Variants in ARHGAP8 observed in about 807,000 individuals in gnomAD.
ARHGAP8 encodes the protein rho GTPase-activating protein 8.
In ARHGAP8, 62 loss-of-function variants were observed where a neutral mutation model predicts 46.1. The ratio of observed to expected loss-of-function variants is 1.34; its 90% CI spans 1.10 to 1.66. The LOEUF (loss-of-function observed/expected upper bound fraction) is 1.66. Ranked by LOEUF, ARHGAP8 falls within the 40% of genes most tolerant of loss-of-function variation. The pLI is 0.00. For synonymous variants in ARHGAP8, 375 were observed against 243.1 expected (o/e 1.54, Z -5.05); for missense variants, 923 against 568.4 (o/e 1.62, Z -6.34).
At chr22:44,807,196 C>G (rs958705830) in intron 3 of ARHGAP8, among the ~76,000 whole-genome samples, 6 of 152,170 alleles carry the variant, frequency 3.9e-5, no homozygotes, top group Non-Finnish European at 5.9e-5. Context: ...CCTGGACAAC[C>G]TGAGCTGAGG....
At chr22:44,788,504 A>C (rs988078955) in intron 2 of ARHGAP8, among the ~76,000 whole-genome samples, 4 of 151,872 alleles carry the variant, frequency 2.6e-5, no homozygotes, top group African/African-American at 9.7e-5. Context: ...CACCCTCCCA[A>C]GTGCAAGTCC....
chr22:44,817,661 G>C (rs867150259), intron 5 of ARHGAP8, among the ~76,000 whole-genome samples: 2 of 151,946 alleles, frequency 1.3e-5, no homozygotes, highest in Non-Finnish European at 2.9e-5. Flanking sequence ...AAAAATTAGC[G>C]GGTGTGGTGG....
chr22:44,852,783 A>AT (rs1043307815), intron 10 of ARHGAP8, among the ~76,000 whole-genome samples: 3 of 151,632 alleles, frequency 2.0e-5, no homozygotes, highest in East Asian at 1.9e-4. Context: ...AGTTCCGGGG[A>AT]TTTTTTTTAT....
At chr22:44,807,693 G>T (rs527455400) in intron 3 of ARHGAP8, among the ~76,000 whole-genome samples, 1 of 152,302 alleles carries the variant, frequency 6.6e-6, no homozygotes, top group East Asian at 1.9e-4. Context: ...TTCTCTCACA[G>T]TTCTGGATGC....
intron 11 of ARHGAP8, 94 bp from the exon 12 acceptor site, chr22:44,862,181 T>A (rs2070523454): frequency 1.4e-6 from 2 of 1,458,848 alleles, no homozygotes; most frequent in Non-Finnish European, 1.8e-6. Flanking sequence ...CTCCTCTCAC[T>A]ACACCTACGC....
At chr22:44,858,831 A>AGAATCC (rs1569185211) in intron 10 of ARHGAP8, among the ~76,000 whole-genome samples, 5 of 150,878 alleles carry the variant, frequency 3.3e-5, no homozygotes. Context: ...TGTGGTGCTG[A>AGAATCC]GAATCCTGAG....
intron 2 of ARHGAP8, among the ~76,000 whole-genome samples, chr22:44,800,590 G>T: frequency 1.1e-5 from 1 of 89,212 alleles, no homozygotes; most frequent in African/African-American, 5.0e-5. Context: ...TCCATGTGTG[G>T]GGGGCGCCCC....
At chr22:44,799,277 C>T (rs751498267) in intron 2 of ARHGAP8, among the ~76,000 whole-genome samples, 5 of 152,232 alleles carry the variant, frequency 3.3e-5, no homozygotes, top group Non-Finnish European at 5.9e-5. Flanking sequence ...TGTACATTAC[C>T]CCTCCTGGGC....
rs201231949 is a variant in ARHGAP8 at position 44,862,546 on chromosome 22, A to C, written c.1253A>C (p.Lys418Thr). The C allele has an allele frequency of 3.3e-5, 53 of 1,603,776 alleles. No individual in the cohort carries two copies. The highest frequency in any genetic ancestry group is 2.8e-4 in the Admixed American group (17 of 59,680). The change falls in exon 12 of 12, where the codon AAG (lysine) becomes ACG (threonine). Residue 418 changes from lysine to threonine, a missense_variant. Coordinates refer to ENST00000356099, the MANE Select transcript of ARHGAP8 (RefSeq NM_181335.3). ...CGGACACAAGCCACGGGCCTCACCA[A>C]GCCTACCCTACCTCCGAGTCCCCTG... ...VPRTQATGLT[K>T]PTLPPSPLMA...
intron 1 of ARHGAP8, among the ~76,000 whole-genome samples, chr22:44,765,666 G>A (rs1925499476): frequency 6.6e-6 from 1 of 152,156 alleles, no homozygotes; most frequent in African/African-American, 2.4e-5. Context: ...GTGGCAGGGA[G>A]TCCCCCCGGG....
rs541748662 is a variant in ARHGAP8, at chr22:44,764,579, C to T, written c.-72+11952C>T. ...GGAGCCGAGAGACCTGGGCTGCAGA[C>T]GCAGCTCTCTGCCAACTTGCTGTGT... is the stretch of plus-strand genomic sequence containing the variant. On this transcript the variant is annotated intron_variant, in intron 1 of 11. Transcript: ENST00000356099. 2.6e-5 allele frequency among the ~76,000 whole-genome samples: 4 copies of T among 152,292 alleles called. No homozygotes were observed. In the South Asian group the frequency reaches 6.2e-4, roughly 24 times the overall value.
chr22:44,853,353 C>T (rs537178579), intron 10 of ARHGAP8, among the ~76,000 whole-genome samples: 3 of 152,142 alleles, frequency 2.0e-5, no homozygotes, highest in Non-Finnish European at 2.9e-5. Flanking sequence ...AGTCTTCCAG[C>T]GTCAGCTTTT....
intron 7 of ARHGAP8, among the ~76,000 whole-genome samples, chr22:44,832,968 A>AAC (rs56982617): frequency 0.015 from 2,267 of 149,618 alleles, 31 homozygotes; most frequent in Admixed American, 0.041. Context: ...GTCTATTAAA[A>AAC]ACACACACAC....
At chr22:44,794,748 A>G (rs750943676) in intron 2 of ARHGAP8, among the ~76,000 whole-genome samples, 5 of 151,482 alleles carry the variant, frequency 3.3e-5, no homozygotes, top group Admixed American at 6.6e-5. Context: ...TTATTATGGA[A>G]ATTTTCAAAT....
At chr22:44,773,010 T>C (rs1602154942) in intron 1 of ARHGAP8, among the ~76,000 whole-genome samples, 1 of 151,950 alleles carries the variant, frequency 6.6e-6, no homozygotes, top group African/African-American at 2.4e-5. Flanking sequence ...AGATATGAGG[T>C]CTCATATGTT....
intron 7 of ARHGAP8, among the ~76,000 whole-genome samples, chr22:44,828,687 A>T (rs1930713197): frequency 6.6e-6 from 1 of 151,372 alleles, no homozygotes; most frequent in Non-Finnish European, 1.5e-5. Context: ...TCCTGATCTC[A>T]AGTGATCCAC....
chr22:44,858,367 TG>T (rs1320872761), intron 10 of ARHGAP8, among the ~76,000 whole-genome samples: 3 of 108,080 alleles, frequency 2.8e-5, no homozygotes, highest in East Asian at 7.0e-4. Flanking sequence ...TGGTTGGTGG[TG>T]GTTTTTTTTT....
intron 1 of ARHGAP8, among the ~76,000 whole-genome samples, chr22:44,772,765 C>T (rs1926129205): frequency 6.7e-6 from 1 of 149,776 alleles, no homozygotes; most frequent in African/African-American, 2.4e-5. Flanking sequence ...TCTGATGTAA[C>T]ATGTAGCACC....
At chr22:44,827,494 C>T (rs893641079) in intron 7 of ARHGAP8, among the ~76,000 whole-genome samples, 8 of 152,040 alleles carry the variant, frequency 5.3e-5, no homozygotes, top group Admixed American at 1.3e-4. Flanking sequence ...AGGCGCCCAC[C>T]GCCATGCCTG....
Sources: allele counts gnomAD v4.1 joint callset (sites outside exome capture counted in the v4.1 genomes callset), GRCh38; gene constraint gnomAD v4.1.1; transcripts MANE v1.5; gene names NCBI Gene and HGNC (gene_info 2026-07-23, HGNC 2026-07-21).